The following TPD52 variants were observed in gnomAD, a reference collection of about 807,000 sequenced individuals.
TPD52 encodes prostate and colon associated protein.
In TPD52, 17 loss-of-function variants were observed where a neutral mutation model predicts 31.3. That is an observed-to-expected ratio of 0.54 (90% confidence interval 0.37 to 0.82). The LOEUF is 0.82. Ranked by LOEUF, TPD52 falls within the 40% of genes least tolerant of loss-of-function variation. The pLI, the probability that TPD52 is intolerant of heterozygous loss-of-function variation, is 0.00. For synonymous variants in TPD52, 83 were observed against 89.6 expected, an observed-to-expected ratio of 0.93 and a Z score of 0.42; for missense variants, 212 against 240.1, an observed-to-expected ratio of 0.88 and a Z score of 0.77.
intron 1 of TPD52, among the ~76,000 whole-genome samples, chr8:80,110,400 T>C (rs899295965): frequency 3.9e-5 from 6 of 151,928 alleles, no homozygotes; most frequent in Admixed American, 6.6e-5. Flanking sequence ...ATTGAGCCTG[T>C]TGTCATGATT....
chr8:80,093,180 T>A (rs982772893), intron 1 of TPD52, among the ~76,000 whole-genome samples: 5 of 152,070 alleles, frequency 3.3e-5, no homozygotes, highest in African/African-American at 1.2e-4. Context: ...TCTGGAATAA[T>A]AATAATAATA....
intron 5 of TPD52, among the ~76,000 whole-genome samples, chr8:80,049,313 A>C (rs1811149815): frequency 6.6e-6 from 1 of 152,176 alleles, no homozygotes; most frequent in Non-Finnish European, 1.5e-5. Flanking sequence ...AGACACTCTA[A>C]ATGTTAGCAG....
Position 80,089,662 on chromosome 8 carries a change from AATG to A in TPD52, c.20-25072_20-25070del, listed in dbSNP as rs375474871. 3.2e-4 allele frequency among the ~76,000 whole-genome samples: 49 copies of A among 152,370 alleles called. No individual in the cohort carries two copies. In the East Asian group the frequency reaches 7.7e-3, roughly 24 times the overall value. On this transcript the variant is annotated intron_variant, in intron 1 of 7. Transcript: ENST00000518937. The stretch of plus-strand genomic sequence containing the variant: ...CTAAAAAGGGCAAGCAATGACCTTT[AATG>A]ATGACAATAATTATGACTTATCCTT...
At chr8:80,040,159 T>C (rs1161721550) in intron 7 of TPD52, among the ~76,000 whole-genome samples, 2 of 151,534 alleles carry the variant, frequency 1.3e-5, no homozygotes, top group Non-Finnish European at 1.5e-5. Flanking sequence ...CTTAGGATAC[T>C]TGGGGTATCT....
chr8:80,080,081 A>G (rs1461303279), intron 1 of TPD52, among the ~76,000 whole-genome samples: 1 of 152,244 alleles, frequency 6.6e-6, no homozygotes, highest in Non-Finnish European at 1.5e-5. Context: ...GGAGAAGTCT[A>G]GTGATCGCAT....
chr8:80,171,496 C>G lies in TPD52; in HGVS notation c.-53G>C. The G allele has an allele frequency of 4.6e-6, 7 of 1,531,590 alleles. No individual in the cohort carries two copies. Among genetic ancestry groups the G allele is most frequent in the Non-Finnish European group, 6.1e-6 (7 of 1,152,656 alleles). The allele number at this position is 1,531,590 out of a possible 1,614,324, so 94.9% of individuals were successfully genotyped here. On this transcript the variant is annotated 5_prime_UTR_variant, in exon 1 of 8. Coordinates refer to ENST00000518937, the MANE Select transcript of TPD52 (RefSeq NM_001025253.3). ...TGCAGCACCCCCGCCTGCAGCCCGT[C>G]CCGGCTCGGATCGCCCGCCGCGCCG...
At chr8:80,148,623 T>G (rs1396316489) in intron 1 of TPD52, among the ~76,000 whole-genome samples, 3 of 152,146 alleles carry the variant, frequency 2.0e-5, no homozygotes, top group African/African-American at 7.2e-5. Context: ...AAAGTTTTGC[T>G]CTCTGTAACA....
At chr8:80,104,575 A>C (rs554004995) in intron 1 of TPD52, among the ~76,000 whole-genome samples, 169 of 151,174 alleles carry the variant, frequency 1.1e-3, no homozygotes, top group African/African-American at 2.3e-3. Flanking sequence ...AAAAAAAAAA[A>C]AACAACAACA....
chr8:80,166,415 A>G (rs1811714942), intron 1 of TPD52, among the ~76,000 whole-genome samples: 1 of 151,688 alleles, frequency 6.6e-6, no homozygotes, highest in South Asian at 2.1e-4. Context: ...TATTTTTAGT[A>G]GAGACAGGGT....
intron 1 of TPD52, among the ~76,000 whole-genome samples, chr8:80,104,498 C>T (rs185985970): frequency 2.0e-5 from 3 of 151,670 alleles, no homozygotes; most frequent in African/African-American, 7.3e-5. Flanking sequence ...CCTGTAATTT[C>T]AGCACTCTGG....
At chr8:80,141,028 C>T (rs1809797576) in intron 1 of TPD52, among the ~76,000 whole-genome samples, 1 of 151,508 alleles carries the variant, frequency 6.6e-6, no homozygotes, top group South Asian at 2.1e-4. Flanking sequence ...GGATGAACCA[C>T]ACCACCCAGT....
chr8:80,087,045 G>A (rs1422412635), intron 1 of TPD52, among the ~76,000 whole-genome samples: 1 of 152,160 alleles, frequency 6.6e-6, no homozygotes, highest in Non-Finnish European at 1.5e-5. Flanking sequence ...ATAAGAGTAT[G>A]CATGTGTACA....
chr8:80,166,562 G>GT (rs1360645103), intron 1 of TPD52, among the ~76,000 whole-genome samples: 6 of 151,338 alleles, frequency 4.0e-5, no homozygotes, highest in Non-Finnish European at 4.4e-5. Flanking sequence ...TACATTTAGG[G>GT]TTTTTTTAAA....
intron 1 of TPD52, chr8:80,171,138 C>T (rs374103463): frequency 4.4e-6 from 3 of 685,940 alleles, no homozygotes; most frequent in Non-Finnish European, 8.0e-6. Flanking sequence ...CGGCCGCCAG[C>T]CCCTGACGCT....
At chr8:80,042,404 T>C in intron 7 of TPD52, 1 of 985,498 alleles carries the variant, frequency 1.0e-6, no homozygotes, top group African/African-American at 1.7e-5. Context: ...GTACATTTCC[T>C]TTCAGCATGT....
intron 1 of TPD52, among the ~76,000 whole-genome samples, chr8:80,139,422 A>T (rs1033821556): frequency 6.6e-6 from 1 of 152,230 alleles, no homozygotes; most frequent in South Asian, 2.1e-4. Flanking sequence ...TGAAAAAAAA[A>T]ATTTTTTCAG....
chr8:80,145,127 ACTTAGTAG>A (rs1480817387), intron 1 of TPD52, among the ~76,000 whole-genome samples: 2 of 152,192 alleles, frequency 1.3e-5, no homozygotes, highest in Non-Finnish European at 2.9e-5. Flanking sequence ...TTTTGTTGCC[ACTTAGTAG>A]AGTATTTTCA....
At chr8:80,141,864 C>T (rs199640439) in intron 1 of TPD52, among the ~76,000 whole-genome samples, 7 of 151,654 alleles carry the variant, frequency 4.6e-5, no homozygotes, top group African/African-American at 7.3e-5. Flanking sequence ...GAGCTGAGAT[C>T]GCACCACTGC....
intron 6 of TPD52, chr8:80,042,928 A>G (rs1327349394): frequency 6.4e-6 from 2 of 312,080 alleles, no homozygotes; most frequent in Non-Finnish European, 1.2e-5. Context: ...ATGGTCAAGT[A>G]CGTGTGTAAG....
Sources: allele counts gnomAD v4.1 joint callset (sites outside exome capture counted in the v4.1 genomes callset), GRCh38; gene constraint gnomAD v4.1.1; transcripts MANE v1.5; gene names NCBI Gene and HGNC (gene_info 2026-07-23, HGNC 2026-07-21).